The following DIAPH2 variants were observed in gnomAD, a reference collection of about 807,000 sequenced individuals.
The protein encoded by DIAPH2 is protein diaphanous homolog 2.
Under a neutral mutation model 92.7 loss-of-function variants are expected in DIAPH2, and 35 were observed. The observed-to-expected ratio is 0.38, with a 90% CI of 0.29 to 0.50. The LOEUF is 0.50. Among genes scored for constraint, DIAPH2 ranks in the 20% least tolerant of loss-of-function variants. DIAPH2 has a pLI of 0.94. For synonymous variants in DIAPH2, 301 were observed against 280.4 expected (o/e 1.07, Z -0.73); for missense variants, 701 against 819.5 (o/e 0.86, Z 1.77).
At chrX:97,220,926 A>G (rs1050872593) in intron 22 of DIAPH2, among the ~76,000 whole-genome samples, 1 of 111,920 alleles carries the variant, frequency 8.9e-6, no homozygotes, top group African/African-American at 3.2e-5. Flanking sequence ...AATAATTACT[A>G]CATATTAACA....
At chrX:97,448,212 A>G (rs2070329248) in intron 26 of DIAPH2, among the ~76,000 whole-genome samples, 1 of 111,987 alleles carries the variant, frequency 8.9e-6, no homozygotes. Context: ...ACTAGCTTTA[A>G]ATTAATTTTA....
At chrX:97,032,588 AAGC>A (rs1353576628) in intron 17 of DIAPH2, among the ~76,000 whole-genome samples, 20 of 109,482 alleles carry the variant, frequency 1.8e-4, no homozygotes, top group Non-Finnish European at 3.4e-4. Flanking sequence ...CCTAATTTTT[AAGC>A]TCTTGGGGGG....
intron 17 of DIAPH2, among the ~76,000 whole-genome samples, chrX:96,976,875 T>C (rs763487242): frequency 1.2e-4 from 13 of 111,674 alleles, no homozygotes; most frequent in Non-Finnish European, 2.3e-4. Flanking sequence ...AGAGCGATTA[T>C]AATTATTTTA....
chrX:97,473,349 T>C (rs1420501794), intron 26 of DIAPH2, among the ~76,000 whole-genome samples: 2 of 111,305 alleles, frequency 1.8e-5, no homozygotes, highest in Non-Finnish European at 3.8e-5. Flanking sequence ...ATTAATTTAT[T>C]TTTGAGACAG....
intron 17 of DIAPH2, among the ~76,000 whole-genome samples, chrX:97,072,684 A>G (rs984175526): frequency 1.8e-5 from 2 of 111,738 alleles, no homozygotes; most frequent in Admixed American, 9.5e-5. Flanking sequence ...AATGTTGCGT[A>G]TTAGGTAAGA....
intron 12 of DIAPH2, among the ~76,000 whole-genome samples, chrX:96,939,691 G>GTTTTTTTTTTTTTT (rs2065690391): frequency 2.9e-5 from 1 of 34,514 alleles, no homozygotes; most frequent in Non-Finnish European, 6.3e-5. Context: ...TTGAGACGGA[G>GTTTTTTTTTTTTTT]TTTCGCTCTG....
chrX:97,251,007 T>G (rs1176472503), intron 23 of DIAPH2, among the ~76,000 whole-genome samples: 1 of 111,786 alleles, frequency 8.9e-6, no homozygotes, highest in Non-Finnish European at 1.9e-5. Flanking sequence ...TCTAGCCTGC[T>G]GGGGCCAATG....
intron 9 of DIAPH2, among the ~76,000 whole-genome samples, chrX:96,920,467 T>A (rs2065534893): frequency 8.9e-6 from 1 of 112,217 alleles, no homozygotes; most frequent in South Asian, 3.7e-4. Context: ...TTTAAATAAA[T>A]TTTTAGCTAC....
At chrX:97,038,498 T>C (rs757187847) in intron 17 of DIAPH2, among the ~76,000 whole-genome samples, 1 of 110,305 alleles carries the variant, frequency 9.1e-6, no homozygotes, top group Admixed American at 9.7e-5. Context: ...ATTCCCTTTG[T>C]ACCACATCCA....
intron 11 of DIAPH2, among the ~76,000 whole-genome samples, chrX:96,938,767 A>G (rs5920970): frequency 0.37 from 40,462 of 110,684 alleles, 6,349 homozygotes; most frequent in South Asian, 0.57. Flanking sequence ...GAATGCAAAC[A>G]ATAATAATTT....
chrX:96,821,252 G>C (rs1038276695), intron 4 of DIAPH2, among the ~76,000 whole-genome samples: 1 of 112,272 alleles, frequency 8.9e-6, no homozygotes, highest in African/African-American at 3.2e-5. Context: ...AATAGTTTAG[G>C]CTTCACTTAA....
intron 17 of DIAPH2, among the ~76,000 whole-genome samples, chrX:97,035,387 T>A (rs1602735335): frequency 1.8e-5 from 2 of 112,065 alleles, no homozygotes; most frequent in East Asian, 5.6e-4. Context: ...AAGTCTCAAT[T>A]TCTGGAGCAA....
chrX:97,358,101 A>C (rs991155605), intron 24 of DIAPH2, among the ~76,000 whole-genome samples: 1 of 112,234 alleles, frequency 8.9e-6, no homozygotes, highest in Non-Finnish European at 1.9e-5. Context: ...ATGATGATCT[A>C]AAGGTTATCT....
At chrX:97,130,606 C>A (rs2067131495) in intron 21 of DIAPH2, among the ~76,000 whole-genome samples, 1 of 111,420 alleles carries the variant, frequency 9.0e-6, no homozygotes, top group East Asian at 2.8e-4. Context: ...GGGGATAAGG[C>A]AGATGGGGAG....
intron 17 of DIAPH2, among the ~76,000 whole-genome samples, chrX:97,072,506 G>A (rs774091104): frequency 4.5e-5 from 5 of 112,290 alleles, no homozygotes; most frequent in Admixed American, 1.9e-4. Context: ...CTGTTTAGCA[G>A]TTAAACTTAC....
intron 23 of DIAPH2, among the ~76,000 whole-genome samples, chrX:97,292,866 C>T (rs1198579710): frequency 6.3e-5 from 7 of 111,270 alleles, no homozygotes; most frequent in East Asian, 2.8e-4. Context: ...TATTTGGAAG[C>T]GGTCAGGATA....
chrX:96,748,325 A>G (rs964882227), intron 3 of DIAPH2, among the ~76,000 whole-genome samples: 5 of 111,834 alleles, frequency 4.5e-5, no homozygotes, highest in African/African-American at 6.5e-5. Context: ...TTACCCTCAG[A>G]GAGCTCAGTG....
intron 23 of DIAPH2, among the ~76,000 whole-genome samples, chrX:97,293,291 G>GC (rs1203446069): frequency 3.7e-5 from 3 of 82,156 alleles, no homozygotes; most frequent in Non-Finnish European, 6.5e-5. Flanking sequence ...TAGCTCTGTC[G>GC]CCAGTCTGGA....
At chrX:96,943,292 C>T (rs762861901) in intron 13 of DIAPH2, among the ~76,000 whole-genome samples, 7 of 111,289 alleles carry the variant, frequency 6.3e-5, no homozygotes, top group Non-Finnish European at 1.1e-4. Context: ...TAGATTTTCA[C>T]AGTTATAAAT....
Sources: gnomAD v4.1 joint callset for allele counts (sites outside exome capture counted in the v4.1 genomes callset) on GRCh38, gnomAD v4.1.1 for gene constraint, MANE v1.5 for transcripts, NCBI Gene and HGNC (gene_info 2026-07-23, HGNC 2026-07-21) for gene names.